JAK2: variants seen among roughly 807,000 people sequenced by gnomAD.
The protein encoded by JAK2 is tyrosine-protein kinase JAK2.
In JAK2, 86 loss-of-function variants were observed where a neutral mutation model predicts 139.3. The ratio of observed to expected loss-of-function variants is 0.62; its 90% CI spans 0.52 to 0.74. The LOEUF (loss-of-function observed/expected upper bound fraction) is 0.74. Ranked by LOEUF, JAK2 falls within the 30% of genes least tolerant of loss-of-function variation. JAK2 has a pLI of 0.00. For missense variants in JAK2, 1,421 were observed against 1,360.3 expected (o/e 1.04, Z -0.70); for synonymous variants, 490 against 437.7 (o/e 1.12, Z -1.49).
intron 8 of JAK2, among the ~76,000 whole-genome samples, chr9:5,060,768 T>C (rs1213608314): frequency 6.6e-6 from 1 of 152,256 alleles, no homozygotes; most frequent in African/African-American, 2.4e-5. Flanking sequence ...ACTGATGTTC[T>C]TCCTGGCATC....
intron 5 of JAK2, among the ~76,000 whole-genome samples, chr9:5,048,067 A>AT (rs1266761840): frequency 5.3e-5 from 8 of 152,046 alleles, no homozygotes; most frequent in Non-Finnish European, 1.0e-4. Flanking sequence ...CATTTTTCAT[A>AT]TATTTATTGT....
intron 10 of JAK2, among the ~76,000 whole-genome samples, chr9:5,067,023 T>A (rs1056213090): frequency 5.9e-5 from 9 of 152,130 alleles, no homozygotes; most frequent in Non-Finnish European, 1.3e-4. Context: ...TTTGCATTTA[T>A]TTTATTTTCT....
intron 3 of JAK2, 40 bp from the exon 4 acceptor site, chr9:5,029,743 T>C: frequency 6.4e-7 from 1 of 1,562,836 alleles, no homozygotes; most frequent in Non-Finnish European, 8.7e-7. Context: ...AATATTCTGT[T>C]GTGTACCTTT....
rs1257341762 is a variant in JAK2, at chr9:5,090,433, T to A, written c.2762-13T>A. ...GGCAGAGTAAAACATTATTTCCACC[T>A]TTATGTTAAAAGGTCGGCGTAATCT... On this transcript the variant is annotated splice_polypyrimidine_tract_variant and intron_variant, in intron 20 of 24. Coordinates refer to ENST00000381652, the MANE Select transcript of JAK2 (RefSeq NM_004972.4). The A allele has an allele frequency of 4.6e-6, 7 of 1,522,764 alleles. No individual in the cohort carries two copies. Among genetic ancestry groups the A allele is most frequent in the Admixed American group, 2.0e-5 (1 of 49,346 alleles). The allele number at this position is 1,522,764 out of a possible 1,614,324, so 94.3% of individuals were successfully genotyped here.
intron 2 of JAK2, among the ~76,000 whole-genome samples, chr9:5,010,035 T>C (rs995347974): frequency 2.6e-5 from 4 of 152,202 alleles, no homozygotes; most frequent in African/African-American, 9.7e-5. Flanking sequence ...GACTTCCAAA[T>C]TGCTGGGATT....
intron 19 of JAK2, among the ~76,000 whole-genome samples, chr9:5,082,086 C>T (rs540433725): frequency 6.6e-6 from 1 of 152,178 alleles, no homozygotes; most frequent in South Asian, 2.1e-4. Context: ...TCAGGTGGGA[C>T]CAGAGACTGA....
chr9:5,089,537 CAAAAAAAAAAAAAAAAA>C lies in JAK2; in HGVS notation c.2572-125_2572-109del, dbSNP rs58042774. The C allele has an allele frequency of 4.6e-5, 4 of 87,066 alleles. No individual in the cohort carries two copies. In the East Asian group the frequency reaches 7.2e-4, roughly 16 times the overall value. 5.4% of individuals were successfully genotyped at this position (87,066 alleles called of 1,614,324 possible). A position where few individuals can be genotyped will look rare whatever the true frequency, so the allele number is the denominator to read the frequency against. Reference sequence around the variant, plus strand: ...TGGGTGACAGAGCGAGACTTCGTCTCAAAAAAAAAAAAAAAAAAAAAAAAAAAAGACAGTCTGCTAAT... The same window carrying C: ...TGGGTGACAGAGCGAGACTTCGTCTCAAAAAAAAAAAGACAGTCTGCTAAT... On this transcript the variant is annotated intron_variant, in intron 19 of 24. Transcript: ENST00000381652.
chr9:5,094,680 GA>G (rs1820846710), intron 22 of JAK2: 1 of 152,136 alleles, frequency 6.6e-6, no homozygotes, highest in Admixed American at 6.5e-5. Flanking sequence ...AACAGAAAGA[GA>G]ATCAGAACTA....
intron 4 of JAK2, chr9:5,041,851 C>T: frequency 4.3e-6 from 2 of 468,366 alleles, no homozygotes; most frequent in Middle Eastern, 3.3e-4. Flanking sequence ...GAGCTGAACG[C>T]GGACGACCCC....
chr9:5,046,477 A>G (rs1369266452), intron 5 of JAK2, among the ~76,000 whole-genome samples: 1 of 152,166 alleles, frequency 6.6e-6, no homozygotes, highest in Non-Finnish European at 1.5e-5. Flanking sequence ...ATCATTGCCA[A>G]ATCCAATGTT....
chr9:5,106,200 T>A (rs1451583962), intron 22 of JAK2, among the ~76,000 whole-genome samples: 1 of 151,424 alleles, frequency 6.6e-6, no homozygotes, highest in Non-Finnish European at 1.5e-5. Flanking sequence ...CAAAGAAATT[T>A]ACAAGAAAAA....
intron 3 of JAK2, among the ~76,000 whole-genome samples, chr9:5,025,729 G>A (rs1181745998): frequency 1.3e-5 from 2 of 151,904 alleles, no homozygotes; most frequent in African/African-American, 4.8e-5. Flanking sequence ...GACGGGGTTT[G>A]CCATGTTGGC....
At chr9:5,032,131 C>T (rs1471290994) in intron 4 of JAK2, among the ~76,000 whole-genome samples, 1 of 152,226 alleles carries the variant, frequency 6.6e-6, no homozygotes, top group Non-Finnish European at 1.5e-5. Flanking sequence ...GGTCCTACGC[C>T]CACGGAGCCT....
At chr9:5,085,066 C>G (rs1819975264) in intron 19 of JAK2, 1 of 701,100 alleles carries the variant, frequency 1.4e-6, no homozygotes, top group African/African-American at 1.8e-5. Context: ...GAGAAGTTTA[C>G]TGCTCTCTCT....
At chr9:5,043,012 G>T (rs935142126) in intron 4 of JAK2, among the ~76,000 whole-genome samples, 1 of 152,210 alleles carries the variant, frequency 6.6e-6, no homozygotes, top group Non-Finnish European at 1.5e-5. Flanking sequence ...GGCGTCGCGC[G>T]GCTCGGCCCC....
In JAK2 at chr9:5,054,339, C is replaced by T. The variant is rs1246786619; in HGVS notation, c.615-224C>T. On this transcript the variant is annotated intron_variant, in intron 6 of 24. Transcript: ENST00000381652. The surrounding 1 kb of genome is among the most constrained non-coding windows in gnomAD (Gnocchi z 4.9). The stretch of plus-strand genomic sequence containing the variant: ...GAAGATTAACATCTTCTTTTGTAAA[C>T]ATTGATGATAACTTAGAGTGTGTGG... Among the ~76,000 whole-genome samples, 3 of 151,992 alleles carry T rather than the reference C, an allele frequency of 2.0e-5. No homozygotes were observed. Among genetic ancestry groups the T allele is most frequent in the East Asian group, 3.8e-4 (2 of 5,196 alleles).
rs752677556 is a variant in JAK2, at chr9:5,055,778, G to C, written c.1046G>C (p.Gly349Ala). ...SRVVTIHKQD[G>A]KNLEIELSSL... The stretch of plus-strand genomic sequence containing the variant: ...GTTGTAACTATCCATAAGCAAGATG[G>C]TAAAAATCTGGTAAGTTTGCTTTAT... The change falls in exon 8 of 25, where the codon GGT becomes GCT. Residue 349 changes from glycine (G) to alanine (A), a missense_variant. Gly to Ala is a moderately conservative substitution (Grantham distance 60). Coordinates refer to ENST00000381652, the MANE Select transcript of JAK2 (RefSeq NM_004972.4). The C allele has an allele frequency of 6.2e-7, 1 of 1,609,852 alleles. No homozygotes were observed. Among genetic ancestry groups the C allele is most frequent in the South Asian group, 1.1e-5 (1 of 90,736 alleles).
intron 22 of JAK2, among the ~76,000 whole-genome samples, chr9:5,091,999 T>G (rs1280210991): frequency 2.0e-5 from 3 of 152,126 alleles, no homozygotes. Context: ...TACTGCCGAT[T>G]GCTAGGTGCT....
At chr9:5,115,469 T>C (rs527729374) in intron 22 of JAK2, among the ~76,000 whole-genome samples, 7 of 152,296 alleles carry the variant, frequency 4.6e-5, no homozygotes, top group Non-Finnish European at 7.3e-5. Context: ...GATGGGAGTG[T>C]AAATTAGTTC....
Sources: gnomAD v4.1 joint callset for allele counts (sites outside exome capture counted in the v4.1 genomes callset) on GRCh38, gnomAD v4.1.1 for gene constraint, Gnocchi (gnomAD v3.1) non-coding constraint, MANE v1.5 for transcripts, NCBI Gene and HGNC (gene_info 2026-07-23, HGNC 2026-07-21) for gene names.